The following BACH2 variants were observed in gnomAD, a reference collection of about 807,000 sequenced individuals.
BACH2 encodes transcription regulator protein BACH2.
Under a neutral mutation model 61.8 loss-of-function variants are expected in BACH2, and 5 were observed. The observed-to-expected ratio is 0.08, with a 90% CI of 0.04 to 0.17. BACH2 has a LOEUF of 0.17. Among genes scored for constraint, BACH2 ranks in the 10% least tolerant of loss-of-function variants. BACH2 has a pLI of 1.00. For synonymous variants in BACH2, 446 were observed against 440.1 expected, an observed-to-expected ratio of 1.01 and a Z score of -0.17; for missense variants, 824 against 1,091.1, an observed-to-expected ratio of 0.76 and a Z score of 3.45.
At chr6:90,043,489 T>C (rs968670639) in intron 5 of BACH2, among the ~76,000 whole-genome samples, 1 of 151,194 alleles carries the variant, frequency 6.6e-6, no homozygotes, top group Non-Finnish European at 1.5e-5. Context: ...CTTCCCTTCC[T>C]CTCTCCCTCC....
At chr6:90,294,020 CCT>C (rs1300291785) in intron 1 of BACH2, among the ~76,000 whole-genome samples, 1 of 152,154 alleles carries the variant, frequency 6.6e-6, no homozygotes, top group African/African-American at 2.4e-5. Flanking sequence ...TGATCCCCTC[CCT>C]CTCTTTCACC....
chr6:90,150,917 G>A (rs1268631379), intron 4 of BACH2, among the ~76,000 whole-genome samples: 6 of 152,134 alleles, frequency 3.9e-5, no homozygotes, highest in Admixed American at 6.5e-5. Flanking sequence ...AGAGCTGAGC[G>A]GTGCATTTTC....
At chr6:89,937,870 ATAAC>A (rs2128353711) in intron 8 of BACH2, among the ~76,000 whole-genome samples, 1 of 152,352 alleles carries the variant, frequency 6.6e-6, no homozygotes, top group South Asian at 2.1e-4. Flanking sequence ...AAAATAAAAA[ATAAC>A]TACCTCTATA....
intron 5 of BACH2, among the ~76,000 whole-genome samples, chr6:90,081,321 G>A (rs893076391): frequency 2.0e-5 from 3 of 152,204 alleles, no homozygotes; most frequent in South Asian, 4.1e-4. Flanking sequence ...CGGCCAAATC[G>A]AAACTAAAGA....
At chr6:90,175,192 T>C (rs1451905714) in intron 4 of BACH2, among the ~76,000 whole-genome samples, 2 of 151,780 alleles carry the variant, frequency 1.3e-5, no homozygotes, top group Non-Finnish European at 2.9e-5. Flanking sequence ...TTAAAGTCAA[T>C]GTTACTTCAA....
In BACH2 at chr6:89,951,871, C is replaced by G. The variant is rs1774148996; in HGVS notation, c.244-9G>C. On this transcript the variant is annotated splice_polypyrimidine_tract_variant and intron_variant, in intron 6 of 8. Coordinates refer to ENST00000257749, the MANE Select transcript of BACH2 (RefSeq NM_021813.4). This position sits in a 1 kb window ranked among gnomAD's most constrained non-coding sequence, Gnocchi z 6.4. Reference sequence around the variant, plus strand: ...AAGCCCCTGGCTGTGACCTGCAAAACAAACAGGGAAATCGCCAACATTACC... The same window carrying G: ...AAGCCCCTGGCTGTGACCTGCAAAAGAAACAGGGAAATCGCCAACATTACC... 1.2e-6 allele frequency: 2 copies of G among 1,604,786 alleles called. No individual in the cohort carries two copies. The highest frequency in any genetic ancestry group is 8.5e-7 in the Non-Finnish European group (1 of 1,173,076).
chr6:90,222,669 G>A (rs1213477986), intron 3 of BACH2, among the ~76,000 whole-genome samples: 1 of 152,122 alleles, frequency 6.6e-6, no homozygotes, highest in East Asian at 1.9e-4. Context: ...AACCAATATG[G>A]TACGTTCAGC....
At chr6:90,059,675 C>G (rs992694411) in intron 5 of BACH2, among the ~76,000 whole-genome samples, 9 of 152,012 alleles carry the variant, frequency 5.9e-5, no homozygotes, top group African/African-American at 2.2e-4. Flanking sequence ...CACATGCACA[C>G]GTATGTTTAT....
chr6:90,049,927 CT>C (rs1779957697), intron 5 of BACH2, among the ~76,000 whole-genome samples: 1 of 152,168 alleles, frequency 6.6e-6, no homozygotes, highest in Non-Finnish European at 1.5e-5. Context: ...GACTGACAAA[CT>C]AAGGTTACTC....
intron 4 of BACH2, among the ~76,000 whole-genome samples, chr6:90,093,569 A>C (rs1434647771): frequency 1.3e-5 from 2 of 152,190 alleles, no homozygotes; most frequent in African/African-American, 2.4e-5. Flanking sequence ...AAATCAACTG[A>C]AATTTAAATA....
chr6:90,292,482 C>A (rs556688202), intron 1 of BACH2, among the ~76,000 whole-genome samples: 36 of 152,302 alleles, frequency 2.4e-4, no homozygotes, highest in African/African-American at 6.0e-4. Context: ...GGATTATTCA[C>A]CTGCAAGGAA....
chr6:90,270,194 A>G (rs1188188319), intron 2 of BACH2, among the ~76,000 whole-genome samples: 3 of 152,210 alleles, frequency 2.0e-5, no homozygotes, highest in East Asian at 1.9e-4. Context: ...ACAAACATGC[A>G]TGTGCAAGTG....
At chr6:89,982,596 T>C (rs1441503669) in intron 6 of BACH2, among the ~76,000 whole-genome samples, 1 of 152,234 alleles carries the variant, frequency 6.6e-6, no homozygotes, top group African/African-American at 2.4e-5. Flanking sequence ...ATAGCTGTGC[T>C]TTTTAGGAGT....
At chr6:90,075,435 G>T (rs191810037) in intron 5 of BACH2, among the ~76,000 whole-genome samples, 1 of 152,244 alleles carries the variant, frequency 6.6e-6, no homozygotes, top group East Asian at 1.9e-4. Flanking sequence ...GCATAAAATA[G>T]ATGTATCTTC....
intron 5 of BACH2, among the ~76,000 whole-genome samples, chr6:90,046,580 T>C (rs1388125537): frequency 6.6e-6 from 1 of 152,212 alleles, no homozygotes; most frequent in Non-Finnish European, 1.5e-5. Context: ...ATAGTAGCTA[T>C]TTTGAAATTT....
At chr6:89,979,014 C>T (rs372786704) in intron 6 of BACH2, among the ~76,000 whole-genome samples, 27 of 152,312 alleles carry the variant, frequency 1.8e-4, no homozygotes, top group African/African-American at 5.8e-4. Flanking sequence ...TTACTGCTGC[C>T]TTGTGATCTC....
At chr6:90,005,314 G>C (rs1479394455) in intron 6 of BACH2, among the ~76,000 whole-genome samples, 1 of 152,160 alleles carries the variant, frequency 6.6e-6, no homozygotes, top group Admixed American at 6.5e-5. Flanking sequence ...TGCCAAGGGA[G>C]TGTAGATGGG....
intron 5 of BACH2, among the ~76,000 whole-genome samples, chr6:90,035,751 T>C (rs147717737): frequency 7.5e-4 from 114 of 152,154 alleles, no homozygotes; most frequent in African/African-American, 2.6e-3. Context: ...TAGAAAGAAC[T>C]TGTAGATCAT....
intron 1 of BACH2, among the ~76,000 whole-genome samples, chr6:90,286,647 GAC>G (rs1284735692): frequency 2.0e-5 from 3 of 152,152 alleles, no homozygotes; most frequent in Non-Finnish European, 4.4e-5. Context: ...AGGATGAAGG[GAC>G]ACAGTCTTCC....
Sources: allele counts gnomAD v4.1 joint callset (sites outside exome capture counted in the v4.1 genomes callset), GRCh38; gene constraint gnomAD v4.1.1; non-coding constraint Gnocchi (gnomAD v3.1); transcripts MANE v1.5; gene names NCBI Gene and HGNC (gene_info 2026-07-23, HGNC 2026-07-21).